Variants in MAGI1 observed in about 807,000 individuals in gnomAD.
The protein encoded by MAGI1 is membrane-associated guanylate kinase, WW and PDZ domain-containing protein 1.
In MAGI1, 58 loss-of-function variants were observed where a neutral mutation model predicts 139.9. That is an observed-to-expected ratio of 0.41 (90% CI 0.34 to 0.52). The LOEUF (loss-of-function observed/expected upper bound fraction) is 0.52, where lower values mean the gene tolerates loss of function less well. MAGI1 is among the 20% of genes least tolerant of loss of function. The pLI is 0.12. For synonymous variants in MAGI1, 812 were observed against 737.9 expected (o/e 1.10, Z -1.63); for missense variants, 1,874 against 1,901.6 (o/e 0.99, Z 0.27).
At chr3:65,985,059 C>A (rs959986669) in intron 1 of MAGI1, among the ~76,000 whole-genome samples, 1 of 152,184 alleles carries the variant, frequency 6.6e-6, no homozygotes, top group Non-Finnish European at 1.5e-5. Context: ...CTGATGTCAA[C>A]CCCAGTGTTT....
intron 1 of MAGI1, among the ~76,000 whole-genome samples, chr3:65,859,066 C>G (rs112413106): frequency 1.2e-3 from 189 of 152,322 alleles, no homozygotes; most frequent in Middle Eastern, 3.4e-3. Context: ...GGCATGGTGG[C>G]TTACGCTTGT....
At chr3:65,587,648 T>C (rs993873704) in intron 2 of MAGI1, among the ~76,000 whole-genome samples, 3 of 151,748 alleles carry the variant, frequency 2.0e-5, no homozygotes, top group East Asian at 1.9e-4. Context: ...GCCCAGCTAA[T>C]TGTTCTATTT....
chr3:65,815,068 T>C lies in MAGI1; in HGVS notation c.314-192980A>G, dbSNP rs562601155. 5.9e-5 allele frequency among the ~76,000 whole-genome samples: 9 copies of C among 152,296 alleles called. 1 individual carries two copies. The South Asian group carries it at 1.9e-3, about 32-fold the overall frequency. Reference sequence around the variant, plus strand: ...CCTGCCTCGTACAGTTCCCCACCAGTTGCTGCCATGAGAGCCCCTTCTCTA... The same window carrying C: ...CCTGCCTCGTACAGTTCCCCACCAGCTGCTGCCATGAGAGCCCCTTCTCTA... On this transcript the variant is annotated intron_variant, in intron 1 of 22. Coordinates refer to ENST00000402939, the MANE Select transcript of MAGI1 (RefSeq NM_001033057.2).
At chr3:65,961,255 T>C (rs938569642) in intron 1 of MAGI1, among the ~76,000 whole-genome samples, 1 of 152,190 alleles carries the variant, frequency 6.6e-6, no homozygotes, top group Non-Finnish European at 1.5e-5. Context: ...GTCGAAGAAT[T>C]AGTCAACACA....
At chr3:65,689,974 G>A (rs1475328331) in intron 1 of MAGI1, among the ~76,000 whole-genome samples, 2 of 152,036 alleles carry the variant, frequency 1.3e-5, no homozygotes, top group Non-Finnish European at 2.9e-5. Context: ...TCTGTATCCC[G>A]TGCCCCTTCC....
intron 2 of MAGI1, among the ~76,000 whole-genome samples, chr3:65,603,532 T>G (rs1559711198): frequency 6.6e-6 from 1 of 152,206 alleles, no homozygotes; most frequent in South Asian, 2.1e-4. Context: ...CCATAGAACG[T>G]AGATAAAAGG....
rs150541671 is a variant in MAGI1, at chr3:65,690,519, C to A, written c.314-68431G>T. 7.2e-4 allele frequency among the ~76,000 whole-genome samples: 109 copies of A among 152,256 alleles called. 1 individual carries two copies. Among genetic ancestry groups the A allele is most frequent in the African/African-American group, 2.5e-3 (104 of 41,542 alleles). On this transcript the variant is annotated intron_variant, in intron 1 of 22. Transcript: ENST00000402939. ...TGAGACACAGTCTTGCTATGTCACT[C>A]AGGCTGGAGTGCAGTGTCACAATCT...
chr3:65,867,679 G>C (rs1004501084), intron 1 of MAGI1, among the ~76,000 whole-genome samples: 3 of 152,176 alleles, frequency 2.0e-5, no homozygotes, highest in Non-Finnish European at 4.4e-5. Context: ...CATGAGCCTA[G>C]AAGTGCAAGG....
At chr3:65,969,128 G>C (rs1286925442) in intron 1 of MAGI1, among the ~76,000 whole-genome samples, 1 of 152,208 alleles carries the variant, frequency 6.6e-6, no homozygotes, top group Admixed American at 6.5e-5. Context: ...AAGAATTGAG[G>C]CTGGTCTGGA....
intron 1 of MAGI1, among the ~76,000 whole-genome samples, chr3:65,913,147 G>C (rs1233548938): frequency 6.6e-6 from 1 of 152,070 alleles, no homozygotes; most frequent in Non-Finnish European, 1.5e-5. Context: ...TGTAATCCCA[G>C]ATACTCAGCA....
At chr3:65,967,517 C>T (rs1244001465) in intron 1 of MAGI1, among the ~76,000 whole-genome samples, 3 of 152,190 alleles carry the variant, frequency 2.0e-5, no homozygotes, top group African/African-American at 7.2e-5. Context: ...TTACAGGTTG[C>T]CCCAACTGGG....
At chr3:65,586,998 C>G (rs182994211) in intron 2 of MAGI1, among the ~76,000 whole-genome samples, 1 of 152,236 alleles carries the variant, frequency 6.6e-6, no homozygotes, top group African/African-American at 2.4e-5. Context: ...ATGGAAGAGG[C>G]ACTGTAAGAA....
chr3:65,574,600 A>G (rs2081098642), intron 2 of MAGI1, among the ~76,000 whole-genome samples: 1 of 152,054 alleles, frequency 6.6e-6, no homozygotes, highest in East Asian at 1.9e-4. Flanking sequence ...GTCAAAATGG[A>G]CAAAGTGATT....
intron 1 of MAGI1, among the ~76,000 whole-genome samples, chr3:65,636,905 ACCAAATCTTAT>A (rs1292940961): frequency 6.6e-6 from 1 of 152,132 alleles, no homozygotes; most frequent in African/African-American, 2.4e-5. Flanking sequence ...GACCCAGCCG[ACCAAATCTTAT>A]CCCCTCAGCA....
intron 1 of MAGI1, among the ~76,000 whole-genome samples, chr3:65,625,696 A>G (rs910303257): frequency 6.6e-6 from 1 of 152,188 alleles, no homozygotes; most frequent in Non-Finnish European, 1.5e-5. Flanking sequence ...AAAGAAAGAA[A>G]ATCAGTTCAA....
intron 1 of MAGI1, among the ~76,000 whole-genome samples, chr3:65,917,862 A>G (rs922432766): frequency 1.3e-5 from 2 of 152,232 alleles, no homozygotes; most frequent in East Asian, 1.9e-4. Flanking sequence ...GTGTCATTAC[A>G]TATTTGTTCA....
chr3:65,880,405 G>C (rs1251248838), intron 1 of MAGI1, among the ~76,000 whole-genome samples: 1 of 152,062 alleles, frequency 6.6e-6, no homozygotes, highest in East Asian at 1.9e-4. Flanking sequence ...TGGGCTAAAT[G>C]GTATATATAC....
At chr3:65,860,528 G>T (rs528284791) in intron 1 of MAGI1, among the ~76,000 whole-genome samples, 22 of 152,258 alleles carry the variant, frequency 1.4e-4, no homozygotes, top group Non-Finnish European at 2.5e-4. Context: ...CCTCCGCACC[G>T]ATTAAAAAGA....
At chr3:65,548,644 T>A (rs552538040) in intron 2 of MAGI1, among the ~76,000 whole-genome samples, 61 of 147,426 alleles carry the variant, frequency 4.1e-4, no homozygotes, top group Non-Finnish European at 8.8e-4. Context: ...TGCCTCAGCC[T>A]CCCTAGCAGC....
Sources: gnomAD v4.1 joint callset for allele counts (sites outside exome capture counted in the v4.1 genomes callset) on GRCh38, gnomAD v4.1.1 for gene constraint, MANE v1.5 for transcripts, NCBI Gene and HGNC (gene_info 2026-07-23, HGNC 2026-07-21) for gene names.